Variants in SCGB1A1 observed in about 807,000 individuals in gnomAD.
SCGB1A1 encodes uteroglobin.
Under a neutral mutation model 7.5 loss-of-function variants are expected in SCGB1A1, and 8 were observed. The ratio of observed to expected loss-of-function variants is 1.07; its 90% CI spans 0.63 to 1.92. SCGB1A1 has a LOEUF of 1.92. SCGB1A1 is among the 30% of genes most tolerant of loss of function. The pLI is 0.00. For synonymous variants in SCGB1A1, 44 were observed against 40.8 expected (o/e 1.08, Z -0.30); for missense variants, 121 against 112.7 (o/e 1.07, Z -0.33).
rs201602994 is a variant in SCGB1A1, at chr11:62,422,288, T to C, written c.123T>C (p.Ser41=). 6 of 1,614,102 alleles carry C rather than the reference T, an allele frequency of 3.7e-6. No individual in the cohort carries two copies. In the Admixed American group the frequency reaches 8.3e-5, roughly 22 times the overall value. The part of the protein sequence containing the change: ...IETLLMDTPS[S]YEAAMELFSP... ...CCCTCCTCATGGACACACCCTCCAGTTATGAGGCTGCCATGGAACTTTTCA... is the reference window on the plus strand; with the variant it reads ...CCCTCCTCATGGACACACCCTCCAGCTATGAGGCTGCCATGGAACTTTTCA... Residue 41 remains serine (S), a synonymous_variant, in exon 2 of 3, where the codon AGT becomes AGC. Transcript: ENST00000278282.
Position 62,422,308 on chromosome 11 carries a change from T to C in SCGB1A1, c.143T>C (p.Leu48Pro). 6.2e-7 allele frequency: 1 copy of C among 1,614,086 alleles called. No individual in the cohort carries two copies. Residue 48 changes from leucine to proline, a missense_variant, in exon 2 of 3, where the codon CTT (leucine) becomes CCT (proline). Leu to Pro is a moderately conservative substitution (Grantham distance 98). Transcript: ENST00000278282. ...TPSSYEAAME[L>P]FSPDQDMREA... ...TCCAGTTATGAGGCTGCCATGGAACTTTTCAGCCCTGATCAAGACATGAGG... is the reference window on the plus strand; with the variant it reads ...TCCAGTTATGAGGCTGCCATGGAACCTTTCAGCCCTGATCAAGACATGAGG...
chr11:62,419,266 C>A (rs1937719747), intron 1 of SCGB1A1, 116 bp downstream of exon 1: 2 of 814,214 alleles, frequency 2.5e-6, no homozygotes, highest in Non-Finnish European at 3.4e-6. Flanking sequence ...GCTGGGAGGA[C>A]CTGGGCATGC....
At chr11:62,419,294 G>C (rs1159902787) in intron 1 of SCGB1A1, 144 bp downstream of exon 1, 1 of 577,768 alleles carries the variant, frequency 1.7e-6, no homozygotes, top group Admixed American at 4.3e-5. Flanking sequence ...CAGAAAACTG[G>C]GTCTGGTGAG....
Position 62,421,466 on chromosome 11 carries a change from CTT to C in SCGB1A1, c.56-752_56-751del, listed in dbSNP as rs1565187849. On this transcript the variant is annotated intron_variant, in intron 1 of 2. Transcript: ENST00000278282. ...CAATCTCAATGGCTTCTTTTCTTTT[CTT>C]TTCTTTTCTTCTTTTTCTTTTCTCT... 6.7e-3 allele frequency among the ~76,000 whole-genome samples: 1,004 copies of C among 149,712 alleles called. 11 individuals carry two copies. The highest frequency in any genetic ancestry group is 0.024 in the African/African-American group (969 of 40,574).
chr11:62,422,997 T>G, intron 2 of SCGB1A1, 62 bp from the exon 3 acceptor site: 1 of 1,496,758 alleles, frequency 6.7e-7, no homozygotes, highest in South Asian at 1.1e-5. Context: ...CATCTCTGCC[T>G]AACTATGCAA....
rs1590785969 is a variant in SCGB1A1, at chr11:62,423,059, G to GA, written c.250dup (p.Ile84AsnfsTer8). 6.2e-7 allele frequency: 1 copy of GA among 1,613,780 alleles called. No individual in the cohort carries two copies. Among genetic ancestry groups the GA allele is most frequent in the Non-Finnish European group, 8.5e-7 (1 of 1,179,810 alleles). ...CTGTTTCTTTGTCTATTTGTTTTAG[G>GA]AAAAAATAGCCCAAAGCTCACTGTG... On this transcript the variant is annotated frameshift_variant and splice_region_variant, in exon 3 of 3. Transcript: ENST00000278282. LOFTEE classifies it low-confidence loss of function (END_TRUNC).
intron 2 of SCGB1A1, among the ~76,000 whole-genome samples, chr11:62,422,743 T>G (rs1390308955): frequency 1.3e-5 from 2 of 152,002 alleles, no homozygotes; most frequent in Non-Finnish European, 2.9e-5. Context: ...CCGAGCTAAT[T>G]TCTGTATTTT....
chr11:62,419,209 G>A, intron 1 of SCGB1A1, 59 bp downstream of exon 1: 2 of 1,302,576 alleles, frequency 1.5e-6, no homozygotes, highest in South Asian at 2.2e-5. Flanking sequence ...GGACCCCCCA[G>A]TTCTGCTCAG....
In SCGB1A1 at chr11:62,422,426, C is replaced by G. The variant is rs41478545; in HGVS notation, c.243+18C>G. On this transcript the variant is annotated intron_variant, in intron 2 of 2. Coordinates refer to ENST00000278282, the MANE Select transcript of SCGB1A1 (RefSeq NM_003357.5). ...AGCTCATGGTAACCAGCACCTTTCA[C>G]GTCACACTGGTTAGAAGTGGCTTCC... 6.3e-7 allele frequency: 1 copy of G among 1,592,142 alleles called. No homozygotes were observed.
In SCGB1A1 at chr11:62,419,110, C is replaced by T. The variant is rs1238195002; in HGVS notation, c.15C>T (p.Val5=). 6.3e-7 allele frequency: 1 copy of T among 1,580,832 alleles called. No homozygotes were observed. Among genetic ancestry groups the T allele is most frequent in the East Asian group, 2.3e-5 (1 of 42,932 alleles). ...CCTCCTCCACCATGAAACTCGCTGT[C>T]ACCCTCACCCTGGTCACACTGGCTC... MKLA[V]TLTLVTLALC... is the part of the protein sequence containing the mutation. Residue 5 remains valine (V), a synonymous_variant, in exon 1 of 3, where the codon GTC becomes GTT. Coordinates refer to ENST00000278282, the MANE Select transcript of SCGB1A1 (RefSeq NM_003357.5).
chr11:62,419,237 C>T, intron 1 of SCGB1A1, 87 bp downstream of exon 1: 3 of 1,086,228 alleles, frequency 2.8e-6, no homozygotes, highest in Non-Finnish European at 3.7e-6. Flanking sequence ...AGTGAGCTGC[C>T]CATTCCTGCT....
At chr11:62,421,639 G>A (rs919972515) in intron 1 of SCGB1A1, among the ~76,000 whole-genome samples, 2 of 152,044 alleles carry the variant, frequency 1.3e-5, no homozygotes, top group African/African-American at 2.4e-5. Flanking sequence ...AGCCTCCTGA[G>A]TAGCTAGGAT....
At chr11:62,421,096 G>A (rs989255635) in intron 1 of SCGB1A1, among the ~76,000 whole-genome samples, 1 of 151,310 alleles carries the variant, frequency 6.6e-6, no homozygotes, top group African/African-American at 2.4e-5. Context: ...ACACATCAAG[G>A]ACCTAAGTTC....
chr11:62,419,093 A>C lies in SCGB1A1; in HGVS notation c.-3A>C, dbSNP rs41535344. 1.2e-3 allele frequency: 1,851 copies of C among 1,583,504 alleles called. 24 individuals carry two copies. The African/African-American group carries it at 0.023, about 20-fold the overall frequency. On this transcript the variant is annotated 5_prime_UTR_variant, in exon 1 of 3. Coordinates refer to ENST00000278282, the MANE Select transcript of SCGB1A1 (RefSeq NM_003357.5). The stretch of plus-strand genomic sequence containing the variant: ...ACGGGCCAGAGCATCCCCCTCCTCC[A>C]CCATGAAACTCGCTGTCACCCTCAC...
intron 1 of SCGB1A1, 113 bp downstream of exon 1, chr11:62,419,263 G>A (rs1391906527): frequency 7.0e-6 from 6 of 851,998 alleles, no homozygotes; most frequent in Admixed American, 4.0e-5. Flanking sequence ...GCTGCTGGGA[G>A]GACCTGGGCA....
intron 1 of SCGB1A1, among the ~76,000 whole-genome samples, chr11:62,420,079 T>C (rs1051623930): frequency 1.3e-5 from 2 of 152,160 alleles, no homozygotes; most frequent in African/African-American, 2.4e-5. Flanking sequence ...CAGAGAGGTT[T>C]ATTTGTTTTT....
At chr11:62,422,942 A>T in intron 2 of SCGB1A1, 117 bp from the exon 3 acceptor site, 1 of 919,476 alleles carries the variant, frequency 1.1e-6, no homozygotes, top group East Asian at 2.4e-5. Context: ...TTCCTCCTAG[A>T]GTTGACTGCA....
intron 1 of SCGB1A1, 53 bp from the exon 2 acceptor site, chr11:62,422,168 G>A: frequency 6.6e-7 from 1 of 1,518,950 alleles, no homozygotes. Context: ...CAGAGGGCTA[G>A]CCAGCTTGGA....
In SCGB1A1 at chr11:62,423,154, G is replaced by A. The variant is rs1000177743; in HGVS notation, c.*63G>A. 1.4e-5 allele frequency: 21 copies of A among 1,521,336 alleles called. No homozygotes were observed. The highest frequency in any genetic ancestry group is 4.5e-5 in the East Asian group (2 of 44,456). 94.2% of individuals were successfully genotyped at this position (1,521,336 alleles called of 1,614,324 possible). A position where few individuals can be genotyped will look rare whatever the true frequency, so the allele number is the denominator to read the frequency against. ...TGCCGCTGCCATGCTTTGAGTCCACGCCCACCAGCCTTGCTCTCTTCAATA... is the reference window on the plus strand; with the variant it reads ...TGCCGCTGCCATGCTTTGAGTCCACACCCACCAGCCTTGCTCTCTTCAATA... On this transcript the variant is annotated 3_prime_UTR_variant, in exon 3 of 3. Transcript: ENST00000278282.
Sources: allele counts gnomAD v4.1 joint callset (sites outside exome capture counted in the v4.1 genomes callset), GRCh38; gene constraint gnomAD v4.1.1; transcripts MANE v1.5; gene names NCBI Gene and HGNC (gene_info 2026-07-23, HGNC 2026-07-21).